Variants in PPARA observed in about 807,000 individuals in gnomAD.
PPARA encodes the protein peroxisome proliferator-activated receptor alpha.
PPARA carries 22 observed loss-of-function variants against 42.2 expected under a neutral mutation model. That is an observed-to-expected ratio of 0.52 (90% confidence interval 0.37 to 0.74). The LOEUF (loss-of-function observed/expected upper bound fraction) is 0.74. Ranked by LOEUF, PPARA falls within the 30% of genes least tolerant of loss-of-function variation. The pLI is 0.00. For missense variants in PPARA, 465 were observed against 608.2 expected (o/e 0.76, Z 2.48); for synonymous variants, 242 against 239.3 (o/e 1.01, Z -0.10).
In PPARA at chr22:46,243,603, C is replaced by A. The variant is rs993601108; in HGVS notation, c.*8223C>A. 6.6e-6 allele frequency: 1 copy of A among 152,396 alleles called. No individual in the cohort carries two copies. The highest frequency in any genetic ancestry group is 1.5e-5 in the Non-Finnish European group (1 of 68,028). The allele number at this position is 152,396 out of a possible 1,614,324, so 9.4% of individuals were successfully genotyped here. ...GGGTCTTCGTTTTCCTATTAGGAGA[C>A]TGAACTGACCACATGTATTGATTTA... On this transcript the variant is annotated 3_prime_UTR_variant, in exon 9 of 9. Transcript: ENST00000407236. This position sits in a 1 kb window ranked among gnomAD's most constrained non-coding sequence, Gnocchi z 5.0.
At position 46,205,697 on chromosome 22, in the gene PPARA, G is replaced by A. The variant is rs1167980662; in HGVS notation, c.208+7106G>A. On this transcript the variant is annotated intron_variant, in intron 4 of 8. Transcript: ENST00000407236. ...TTCTCATGCCTCAGCCTCTTTAGTA[G>A]CTGGGATTACAGGCATGTGCTACCA... Among the ~76,000 whole-genome samples, 5 of 147,618 alleles carry A rather than the reference G, an allele frequency of 3.4e-5. No individual in the cohort carries two copies. The Admixed American group carries it at 3.5e-4, about 10-fold the overall frequency.
intron 2 of PPARA, among the ~76,000 whole-genome samples, chr22:46,153,566 A>C (rs1357882421): frequency 1.3e-5 from 2 of 151,918 alleles, no homozygotes; most frequent in Non-Finnish European, 2.9e-5. Context: ...TTATGAACAG[A>C]GTTTTAAAAA....
At position 46,202,394 on chromosome 22, in the gene PPARA, A is replaced by G. The variant is rs184957664; in HGVS notation, c.208+3803A>G. Among the ~76,000 whole-genome samples, 381 of 152,314 alleles carry G rather than the reference A, an allele frequency of 2.5e-3. 3 individuals are homozygous for G. Among genetic ancestry groups the G allele is most frequent in the Non-Finnish European group, 1.9e-3 (132 of 68,024 alleles). ...CTTGTGGTCTATATAATCCATTAAA[A>G]GCCACATTTAACCCAATTCCACAGA... is the stretch of plus-strand genomic sequence containing the variant. On this transcript the variant is annotated intron_variant, in intron 4 of 8. Coordinates refer to ENST00000407236, the MANE Select transcript of PPARA (RefSeq NM_005036.6).
intron 7 of PPARA, among the ~76,000 whole-genome samples, chr22:46,226,165 AT>A: frequency 6.6e-6 from 1 of 151,982 alleles, no homozygotes. Context: ...ACACATATAT[AT>A]ATATACACAT....
Position 46,188,206 on chromosome 22 carries a change from G to C in PPARA, c.-42-10136G>C, listed in dbSNP as rs1318005620. Among the ~76,000 whole-genome samples the C allele has an allele frequency of 6.6e-6, 1 of 152,208 alleles. No homozygotes were observed. Among genetic ancestry groups the C allele is most frequent in the African/African-American group, 2.4e-5 (1 of 41,458 alleles). On this transcript the variant is annotated intron_variant, in intron 3 of 8. Transcript: ENST00000407236. The surrounding 1 kb of genome is among the most constrained non-coding windows in gnomAD (Gnocchi z 5.0). ...CCATAGAATTGTGAACAAATAAAATGGTTGTAGTTATAAGCCATTAAGTTT... is the reference window on the plus strand; with the variant it reads ...CCATAGAATTGTGAACAAATAAAATCGTTGTAGTTATAAGCCATTAAGTTT...
chr22:46,205,533 TATATATATATATA>T (rs1933159311), intron 4 of PPARA, among the ~76,000 whole-genome samples: 5 of 32,914 alleles, frequency 1.5e-4, no homozygotes, highest in Non-Finnish European at 1.8e-4. Flanking sequence ...TATATATATA[TATATATATATATA>T]TATATATATT....
rs1931602885 is a variant in PPARA, at chr22:46,191,841, G to A, written c.-42-6501G>A. Among the ~76,000 whole-genome samples, 1 of 152,200 alleles carries A rather than the reference G, an allele frequency of 6.6e-6. No homozygotes were observed. The highest frequency in any genetic ancestry group is 2.4e-5 in the African/African-American group (1 of 41,450). ...CCAGCACTTTGGGAGGCTGAGGCGG[G>A]CAGATCACGAGGTCAAGAGATCAAG... On this transcript the variant is annotated intron_variant, in intron 3 of 8. Coordinates refer to ENST00000407236, the MANE Select transcript of PPARA (RefSeq NM_005036.6). This position sits in a 1 kb window ranked among gnomAD's most constrained non-coding sequence, Gnocchi z 4.6.
chr22:46,159,386 AT>A (rs1173907560), intron 2 of PPARA, among the ~76,000 whole-genome samples: 8 of 152,136 alleles, frequency 5.3e-5, no homozygotes, highest in African/African-American at 1.7e-4. Flanking sequence ...GAAGCAGCGT[AT>A]TTTGCTTGAG....
chr22:46,197,565 T>C (rs1012340073), intron 3 of PPARA, among the ~76,000 whole-genome samples: 18 of 151,974 alleles, frequency 1.2e-4, no homozygotes, highest in Non-Finnish European at 2.5e-4. Flanking sequence ...GTGTAGATGA[T>C]GAATTCAGGT....
In PPARA at chr22:46,231,768, TTACCTTGGTGTCC is replaced by T. The variant is rs753348673; in HGVS notation, c.712-22_712-10del. On this transcript the variant is annotated splice_polypyrimidine_tract_variant and intron_variant, in intron 7 of 8. Transcript: ENST00000407236. This position sits in a 1 kb window ranked among gnomAD's most constrained non-coding sequence, Gnocchi z 7.7. ...CATAGCGCATCCCACATCACCTGAC[TTACCTTGGTGTCC>T]TCCTTTGTAGCCTTTTGTCATACAT... is the stretch of plus-strand genomic sequence containing the variant. 1 of 1,608,372 alleles carries T rather than the reference TTACCTTGGTGTCC, an allele frequency of 6.2e-7. No homozygotes were observed. Among genetic ancestry groups the T allele is most frequent in the Non-Finnish European group, 8.5e-7 (1 of 1,177,688 alleles).
At chr22:46,154,791 AG>A (rs1290950676) in intron 2 of PPARA, among the ~76,000 whole-genome samples, 1 of 149,924 alleles carries the variant, frequency 6.7e-6, no homozygotes, top group Non-Finnish European at 1.5e-5. Context: ...CTCCCACCTC[AG>A]CCTCCCAAGC....
In PPARA at chr22:46,190,867, C is replaced by T. The variant is rs1189663587; in HGVS notation, c.-42-7475C>T. Among the ~76,000 whole-genome samples the T allele has an allele frequency of 6.6e-6, 1 of 152,154 alleles. No individual in the cohort carries two copies. The highest frequency in any genetic ancestry group is 1.5e-5 in the Non-Finnish European group (1 of 68,036). ...TGATAGTTGGGACAGTATTCAGCTA[C>T]CTGCTATTTAATACATTATTTCAGA... is the stretch of plus-strand genomic sequence containing the variant. On this transcript the variant is annotated intron_variant, in intron 3 of 8. Coordinates refer to ENST00000407236, the MANE Select transcript of PPARA (RefSeq NM_005036.6). The surrounding 1 kb of genome is among the most constrained non-coding windows in gnomAD (Gnocchi z 5.6).
chr22:46,240,275 T>A lies in PPARA; in HGVS notation c.*4895T>A. 2.5e-6 allele frequency: 1 copy of A among 398,672 alleles called. No individual in the cohort carries two copies. The highest frequency in any genetic ancestry group is 4.4e-6 in the Non-Finnish European group (1 of 226,098). The allele number at this position is 398,672 out of a possible 1,614,324, so 24.7% of individuals were successfully genotyped here. A position where few individuals can be genotyped will look rare whatever the true frequency, so the allele number is the denominator to read the frequency against. ...GGTAACAGCAAATCAGCCTCCATTT[T>A]AAAATGAAAACACCAGCCTCCAGAT... On this transcript the variant is annotated 3_prime_UTR_variant, in exon 9 of 9. Transcript: ENST00000407236. This position sits in a 1 kb window ranked among gnomAD's most constrained non-coding sequence, Gnocchi z 6.0.
Position 46,231,280 on chromosome 22 carries a change from G to A in PPARA, c.712-512G>A, listed in dbSNP as rs368525245. Among the ~76,000 whole-genome samples, 110 of 151,036 alleles carry A rather than the reference G, an allele frequency of 7.3e-4. 1 individual carries two copies. The South Asian group carries it at 0.022, about 30-fold the overall frequency. On this transcript the variant is annotated intron_variant, in intron 7 of 8. Coordinates refer to ENST00000407236, the MANE Select transcript of PPARA (RefSeq NM_005036.6). This position sits in a 1 kb window ranked among gnomAD's most constrained non-coding sequence, Gnocchi z 7.7. ...GTCACCCAGGCTGGAGTGCAGTGGC[G>A]CAATGTCGGCTCACTGCAAGCTCTG... is the stretch of plus-strand genomic sequence containing the variant.
At chr22:46,174,007 C>CCTGGCCATCATGGTGAAACCCCG (rs58905114) in intron 2 of PPARA, among the ~76,000 whole-genome samples, 1 of 148,090 alleles carries the variant, frequency 6.8e-6, no homozygotes, top group Non-Finnish European at 1.5e-5. Flanking sequence ...GATCGAGACC[C>CCTGGCCATCATGGTGAAACCCCG]TCTCTACTAA....
At chr22:46,166,124 G>A (rs1351253243) in intron 2 of PPARA, among the ~76,000 whole-genome samples, 1 of 152,166 alleles carries the variant, frequency 6.6e-6, no homozygotes. Flanking sequence ...AAGCTCTGCC[G>A]CCAGTTCTCC....
rs1931606012 is a variant in PPARA at position 46,191,863 on chromosome 22, C to A, written c.-42-6479C>A. ...CGGGCAGATCACGAGGTCAAGAGATCAAGACCATCCTGGCCAACATGGTGA... is the reference window on the plus strand; with the variant it reads ...CGGGCAGATCACGAGGTCAAGAGATAAAGACCATCCTGGCCAACATGGTGA... On this transcript the variant is annotated intron_variant, in intron 3 of 8. Transcript: ENST00000407236. This position sits in a 1 kb window ranked among gnomAD's most constrained non-coding sequence, Gnocchi z 4.6. Among the ~76,000 whole-genome samples the A allele has an allele frequency of 6.6e-6, 1 of 152,158 alleles. No individual in the cohort carries two copies. The highest frequency in any genetic ancestry group is 1.5e-5 in the Non-Finnish European group (1 of 68,016).
intron 3 of PPARA, among the ~76,000 whole-genome samples, chr22:46,194,589 T>TG (rs1491207921): frequency 2.9e-5 from 4 of 138,600 alleles, no homozygotes; most frequent in African/African-American, 1.1e-4. Flanking sequence ...TTTTTTTTTT[T>TG]GTGACAGAGT....
chr22:46,207,677 A>ATTATTTTTTTT (rs1555951376), intron 4 of PPARA, among the ~76,000 whole-genome samples: 1 of 50,724 alleles, frequency 2.0e-5, no homozygotes, highest in Non-Finnish European at 3.3e-5. Flanking sequence ...TATTATTATT[A>ATTATTTTTTTT]TTTTTTTTTT....
Sources: allele counts gnomAD v4.1 joint callset (sites outside exome capture counted in the v4.1 genomes callset), GRCh38; gene constraint gnomAD v4.1.1; non-coding constraint Gnocchi (gnomAD v3.1); transcripts MANE v1.5; gene names NCBI Gene and HGNC (gene_info 2026-07-23, HGNC 2026-07-21).